The following MDGA2 variants were observed in gnomAD, a reference collection of about 807,000 sequenced individuals.
MDGA2 encodes the protein MAM domain-containing glycosylphosphatidylinositol anchor protein 2.
A neutral mutation model predicts 117.8 loss-of-function variants in MDGA2; 40 were observed. That is an observed-to-expected ratio of 0.34 (90% CI 0.26 to 0.44). The LOEUF (loss-of-function observed/expected upper bound fraction) is 0.44. MDGA2 is among the 20% of genes least tolerant of loss of function. The pLI, the probability that MDGA2 is intolerant of heterozygous loss-of-function variation, is 1.00. For synonymous variants in MDGA2, 452 were observed against 439.0 expected, an observed-to-expected ratio of 1.03 and a Z score of -0.37; for missense variants, 1,123 against 1,250.6, an observed-to-expected ratio of 0.90 and a Z score of 1.54.
intron 1 of MDGA2, among the ~76,000 whole-genome samples, chr14:47,353,646 C>T (rs931232967): frequency 6.6e-6 from 1 of 152,096 alleles, no homozygotes; most frequent in Non-Finnish European, 1.5e-5. Context: ...ATAACAACAA[C>T]AACAAAAGAA....
rs1277990439 is a variant in MDGA2, at chr14:47,400,698, C to CA, written c.281-99149dup. 2.1e-3 allele frequency among the ~76,000 whole-genome samples: 269 copies of CA among 130,554 alleles called. 1 individual carries two copies. Among genetic ancestry groups the CA allele is most frequent in the African/African-American group, 3.2e-3 (113 of 35,490 alleles). The allele number at this position is 130,554 out of a possible 152,430, so 85.6% of individuals were successfully genotyped here. ...AAGACTCCGTCTCGAAACAAACAAA[C>CA]AAAAAAAAAACCCTTAGTGGTAAGG... On this transcript the variant is annotated intron_variant, in intron 1 of 16. Transcript: ENST00000399232.
Position 47,194,065 on chromosome 14 carries a change from T to A in MDGA2, c.595+23956A>T, listed in dbSNP as rs75805841. Among the ~76,000 whole-genome samples the A allele has an allele frequency of 7.9e-5, 12 of 152,334 alleles. No homozygotes were observed. In the East Asian group the frequency reaches 2.3e-3, roughly 29 times the overall value. ...GAGGTGTTTAAGAAATGTTTCCATG[T>A]ATTTCCCATAATTATATTTCTATTT... is the stretch of plus-strand genomic sequence containing the variant. On this transcript the variant is annotated intron_variant, in intron 3 of 16. Coordinates refer to ENST00000399232, the MANE Select transcript of MDGA2 (RefSeq NM_001113498.3).
intron 10 of MDGA2, 131 bp downstream of exon 10, chr14:46,919,881 T>A (rs1168215691): frequency 2.9e-6 from 2 of 690,852 alleles, no homozygotes; most frequent in Non-Finnish European, 4.3e-6. Flanking sequence ...TATCTATCTG[T>A]CTATCTATAT....
intron 8 of MDGA2, among the ~76,000 whole-genome samples, chr14:46,967,591 G>C (rs1886086312): frequency 6.6e-6 from 1 of 152,034 alleles, no homozygotes; most frequent in Admixed American, 6.6e-5. Context: ...CAGCATGGAA[G>C]ATCTATACTT....
At chr14:47,297,994 G>A in intron 2 of MDGA2, among the ~76,000 whole-genome samples, 1 of 152,124 alleles carries the variant, frequency 6.6e-6, no homozygotes, top group Middle Eastern at 3.4e-3. Flanking sequence ...GTATGTGTGT[G>A]TTTGTATATA....
chr14:47,572,459 T>C (rs1448400602), intron 1 of MDGA2, among the ~76,000 whole-genome samples: 3 of 152,204 alleles, frequency 2.0e-5, no homozygotes, highest in South Asian at 2.1e-4. Context: ...TAAACTTTGA[T>C]TGCATAATTT....
At chr14:46,898,870 G>C (rs1355259484) in intron 10 of MDGA2, among the ~76,000 whole-genome samples, 4 of 152,012 alleles carry the variant, frequency 2.6e-5, no homozygotes, top group African/African-American at 9.7e-5. Context: ...TAATGAAACA[G>C]TATAAAAATA....
At chr14:46,891,375 GAATA>G (rs1208280546) in intron 10 of MDGA2, among the ~76,000 whole-genome samples, 1 of 151,482 alleles carries the variant, frequency 6.6e-6, no homozygotes, top group East Asian at 1.9e-4. Context: ...AAAACATACA[GAATA>G]AATAATGTTC....
At chr14:46,992,148 C>T (rs1887115490) in intron 8 of MDGA2, among the ~76,000 whole-genome samples, 1 of 152,136 alleles carries the variant, frequency 6.6e-6, no homozygotes, top group South Asian at 2.1e-4. Context: ...ACTGCTTCCA[C>T]TGACACTGCT....
intron 14 of MDGA2, among the ~76,000 whole-genome samples, chr14:46,859,212 T>G (rs1881408253): frequency 6.6e-6 from 1 of 152,134 alleles, no homozygotes; most frequent in South Asian, 2.1e-4. Context: ...TTATGAGATC[T>G]CTACACTCTC....
At chr14:47,268,177 A>G (rs1056308252) in intron 2 of MDGA2, among the ~76,000 whole-genome samples, 2 of 151,272 alleles carry the variant, frequency 1.3e-5, no homozygotes, top group Non-Finnish European at 2.9e-5. Flanking sequence ...GGTTCAAGCC[A>G]TTCTCCTGTC....
chr14:47,552,752 T>G (rs957185638), intron 1 of MDGA2, among the ~76,000 whole-genome samples: 7 of 152,130 alleles, frequency 4.6e-5, no homozygotes, highest in African/African-American at 1.4e-4. Context: ...TTCAAAGTAA[T>G]AGTCAAATTT....
chr14:46,896,669 C>T (rs1566513041), intron 10 of MDGA2, among the ~76,000 whole-genome samples: 1 of 152,026 alleles, frequency 6.6e-6, no homozygotes, highest in East Asian at 1.9e-4. Context: ...ACTTCAAGCT[C>T]TCTATACGTT....
rs560113523 is a variant in MDGA2, at chr14:47,159,101, T to C, written c.596-14827A>G. 2.0e-5 allele frequency among the ~76,000 whole-genome samples: 3 copies of C among 152,332 alleles called. No individual in the cohort carries two copies. The Middle Eastern group carries it at 0.01, about 518-fold the overall frequency. On this transcript the variant is annotated intron_variant, in intron 3 of 16. Transcript: ENST00000399232. The stretch of plus-strand genomic sequence containing the variant: ...AGGGCAGTGGAACTACTCTGTGTGA[T>C]ACTAAAATGGTGGATATGTGTCATG...
intron 3 of MDGA2, among the ~76,000 whole-genome samples, chr14:47,174,419 C>A (rs1045876268): frequency 6.6e-6 from 1 of 151,954 alleles, no homozygotes; most frequent in Admixed American, 6.6e-5. Context: ...CCCAGCAAAT[C>A]TAAAAGAACA....
At chr14:47,283,251 A>G (rs1448025377) in intron 2 of MDGA2, among the ~76,000 whole-genome samples, 1 of 152,210 alleles carries the variant, frequency 6.6e-6, no homozygotes, top group African/African-American at 2.4e-5. Flanking sequence ...GCAAAAGTTC[A>G]CAAAGAATGA....
chr14:47,469,161 CTTTT>C (rs1302839594), intron 1 of MDGA2, among the ~76,000 whole-genome samples: 1 of 150,928 alleles, frequency 6.6e-6, no homozygotes, highest in Non-Finnish European at 1.5e-5. Context: ...CTTTTTTTTT[CTTTT>C]TTTATTATTC....
intron 1 of MDGA2, among the ~76,000 whole-genome samples, chr14:47,449,929 T>A (rs966364636): frequency 2.0e-5 from 3 of 151,908 alleles, no homozygotes; most frequent in Non-Finnish European, 4.4e-5. Context: ...AATTGTTTCA[T>A]TTTTTTTGCA....
At chr14:47,077,175 A>G (rs1185181267) in intron 6 of MDGA2, among the ~76,000 whole-genome samples, 3 of 152,138 alleles carry the variant, frequency 2.0e-5, no homozygotes, top group African/African-American at 7.2e-5. Context: ...CCTTTTGATT[A>G]TAACAGAAAC....
Sources: allele counts gnomAD v4.1 joint callset (sites outside exome capture counted in the v4.1 genomes callset), GRCh38; gene constraint gnomAD v4.1.1; transcripts MANE v1.5; gene names NCBI Gene and HGNC (gene_info 2026-07-23, HGNC 2026-07-21).